GTF2F2: variants seen among roughly 807,000 people sequenced by gnomAD.
GTF2F2 encodes the protein general transcription factor IIF subunit 2.
Under a neutral mutation model 42.2 loss-of-function variants are expected in GTF2F2, and 23 were observed. That is an observed-to-expected ratio of 0.55 (90% CI 0.39 to 0.77). The LOEUF is 0.77. Among genes scored for constraint, GTF2F2 ranks in the 30% least tolerant of loss-of-function variants. The probability of loss-of-function intolerance (pLI) is 0.00; values close to 1 mark genes in which losing one functional copy is unlikely to be tolerated. For synonymous variants in GTF2F2, 105 were observed against 100.8 expected (o/e 1.04, Z -0.25); for missense variants, 261 against 287.2 (o/e 0.91, Z 0.66).
chr13:45,222,284 A>G (rs1874151842), intron 5 of GTF2F2, among the ~76,000 whole-genome samples: 1 of 152,118 alleles, frequency 6.6e-6, no homozygotes, highest in African/African-American at 2.4e-5. Context: ...TGAAGTTAAC[A>G]ATGTTTTTCT....
At chr13:45,274,097 A>G (rs1407749911) in intron 7 of GTF2F2, among the ~76,000 whole-genome samples, 2 of 152,072 alleles carry the variant, frequency 1.3e-5, no homozygotes, top group Non-Finnish European at 2.9e-5. Context: ...GGCCTTCTTC[A>G]CTTCGGTATT....
At position 45,283,478 on chromosome 13, in the gene GTF2F2, C is replaced by G; in HGVS notation, c.667C>G (p.Gln223Glu). The G allele has an allele frequency of 6.2e-7, 1 of 1,611,348 alleles. No homozygotes were observed. Among genetic ancestry groups the G allele is most frequent in the Non-Finnish European group, 8.5e-7 (1 of 1,178,096 alleles). Residue 223 changes from glutamine (Q) to glutamate (E), a missense_variant, in exon 8 of 8, where the codon CAG becomes GAG. Physicochemically the swap from Gln to Glu is conservative, Grantham distance 29 (BLOSUM62 2). Transcript: ENST00000340473. The stretch of plus-strand genomic sequence containing the variant: ...GGAAATCTTAAAAGAAATTGGTGTT[C>G]AGAATGTAAAAGGGATCCACAAAAA... ...LKEILKEIGV[Q>E]NVKGIHKNTW...
chr13:45,243,639 T>C (rs1234530436), intron 5 of GTF2F2, among the ~76,000 whole-genome samples: 2 of 152,120 alleles, frequency 1.3e-5, no homozygotes, highest in African/African-American at 4.8e-5. Flanking sequence ...TTAAATCCAT[T>C]TTGTTTTATT....
chr13:45,134,595 A>G (rs566967341), intron 1 of GTF2F2, among the ~76,000 whole-genome samples: 1 of 152,304 alleles, frequency 6.6e-6, no homozygotes, highest in Admixed American at 6.5e-5. Context: ...AGGTACAGTC[A>G]TCGTAAGGAG....
Position 45,156,585 on chromosome 13 carries a change from G to A in GTF2F2, c.304+4754G>A, listed in dbSNP as rs186679512. Among the ~76,000 whole-genome samples, 5 of 152,294 alleles carry A rather than the reference G, an allele frequency of 3.3e-5. No homozygotes were observed. In the East Asian group the frequency reaches 9.7e-4, roughly 29 times the overall value. On this transcript the variant is annotated intron_variant, in intron 4 of 7. Transcript: ENST00000340473. ...AAAAGATAGAACATGGGATAATAGAGGTAATTTTTTTTTAATCTTTTTTGC... is the reference window on the plus strand; with the variant it reads ...AAAAGATAGAACATGGGATAATAGAAGTAATTTTTTTTTAATCTTTTTTGC...
At chr13:45,262,440 A>G (rs1202203823) in intron 6 of GTF2F2, among the ~76,000 whole-genome samples, 5 of 152,164 alleles carry the variant, frequency 3.3e-5, no homozygotes, top group Non-Finnish European at 1.5e-5. Context: ...TCTTTAATTT[A>G]TTTTTGAGAC....
chr13:45,213,411 G>A (rs1275257786), intron 5 of GTF2F2, among the ~76,000 whole-genome samples: 1 of 152,024 alleles, frequency 6.6e-6, no homozygotes, highest in South Asian at 2.1e-4. Flanking sequence ...ACCTCCTACG[G>A]AGATCTTTCT....
At chr13:45,124,731 AT>A (rs1177898820) in intron 1 of GTF2F2, among the ~76,000 whole-genome samples, 4 of 151,702 alleles carry the variant, frequency 2.6e-5, no homozygotes, top group African/African-American at 9.7e-5. Context: ...CACCCACCTA[AT>A]TTTTTGTATC....
intron 5 of GTF2F2, among the ~76,000 whole-genome samples, chr13:45,248,774 C>G (rs977794405): frequency 7.2e-5 from 11 of 152,210 alleles, no homozygotes; most frequent in Non-Finnish European, 1.5e-4. Flanking sequence ...CCACTCCCAG[C>G]CAGCACCAAG....
chr13:45,237,864 G>A (rs1471421491), intron 5 of GTF2F2, among the ~76,000 whole-genome samples: 3 of 152,310 alleles, frequency 2.0e-5, no homozygotes, highest in African/African-American at 7.2e-5. Flanking sequence ...TGGTTCTTCT[G>A]ATAGAAAAGC....
chr13:45,267,012 A>G (rs562587891), intron 6 of GTF2F2, among the ~76,000 whole-genome samples: 3 of 152,094 alleles, frequency 2.0e-5, no homozygotes, highest in Non-Finnish European at 4.4e-5. Flanking sequence ...AGCCAGGCGT[A>G]GTGGCGGGCA....
chr13:45,278,305 C>G (rs1467750461), intron 7 of GTF2F2, among the ~76,000 whole-genome samples: 1 of 152,204 alleles, frequency 6.6e-6, no homozygotes, highest in Non-Finnish European at 1.5e-5. Context: ...AAACAAACAT[C>G]CTAATCACTT....
At chr13:45,235,853 C>A (rs1042325033) in intron 5 of GTF2F2, among the ~76,000 whole-genome samples, 1 of 152,098 alleles carries the variant, frequency 6.6e-6, no homozygotes, top group Non-Finnish European at 1.5e-5. Flanking sequence ...GATCGGCCCC[C>A]CTCAGCCTCC....
At position 45,125,185 on chromosome 13, in the gene GTF2F2, A is replaced by G. The variant is rs140488237; in HGVS notation, c.66+4464A>G. Among the ~76,000 whole-genome samples the G allele has an allele frequency of 1.3e-4, 20 of 152,360 alleles. No homozygotes were observed. In the East Asian group the frequency reaches 3.5e-3, roughly 26 times the overall value. On this transcript the variant is annotated intron_variant, in intron 1 of 7. Coordinates refer to ENST00000340473, the MANE Select transcript of GTF2F2 (RefSeq NM_004128.3). ...GGTATTAATTACCTGTATTTTTCAG[A>G]TGATAAAATTTAAGGTTAGGGAGGT...
intron 4 of GTF2F2, among the ~76,000 whole-genome samples, chr13:45,173,251 A>G (rs1237102529): frequency 6.6e-6 from 1 of 152,112 alleles, no homozygotes; most frequent in African/African-American, 2.4e-5. Context: ...CCCTTTACTC[A>G]GTTTTCCTCA....
In GTF2F2 at chr13:45,275,958, G is replaced by A. The variant is rs143135750; in HGVS notation, c.631-7484G>A. Among the ~76,000 whole-genome samples, 621 of 152,194 alleles carry A rather than the reference G, an allele frequency of 4.1e-3. 2 individuals carry two copies. The highest frequency in any genetic ancestry group is 0.017 in the Middle Eastern group (5 of 294). ...TTCCTATTTCTCCACATCCTCTCCA[G>A]CATCTTTTTTTATACATAACCTACA... On this transcript the variant is annotated intron_variant, in intron 7 of 7. Transcript: ENST00000340473.
intron 2 of GTF2F2, among the ~76,000 whole-genome samples, chr13:45,143,068 T>C (rs917427348): frequency 6.6e-6 from 1 of 151,596 alleles, no homozygotes; most frequent in African/African-American, 2.4e-5. Context: ...GATCATTCAG[T>C]GGAGTGAGAC....
intron 7 of GTF2F2, among the ~76,000 whole-genome samples, chr13:45,279,815 G>A (rs1044316723): frequency 1.3e-5 from 2 of 152,024 alleles, no homozygotes; most frequent in African/African-American, 2.4e-5. Context: ...TGAGGCAGGC[G>A]AATCACTTGA....
intron 5 of GTF2F2, among the ~76,000 whole-genome samples, chr13:45,239,867 A>G (rs2138231044): frequency 6.6e-6 from 1 of 152,290 alleles, no homozygotes; most frequent in African/African-American, 2.4e-5. Flanking sequence ...CAGGTGATGA[A>G]CACAAAACAA....
Sources: gnomAD v4.1 joint callset for allele counts (sites outside exome capture counted in the v4.1 genomes callset) on GRCh38, gnomAD v4.1.1 for gene constraint, MANE v1.5 for transcripts, NCBI Gene and HGNC (gene_info 2026-07-23, HGNC 2026-07-21) for gene names.